The following DPYD variants were observed in gnomAD, a reference collection of about 807,000 sequenced individuals.
The protein encoded by DPYD is dihydropyrimidine dehydrogenase [NADP(+)].
DPYD carries 109 observed loss-of-function variants against 116.2 expected under a neutral mutation model. The ratio of observed to expected loss-of-function variants is 0.94; its 90% CI spans 0.80 to 1.10. The LOEUF is 1.10. Among genes scored for constraint, DPYD ranks in the 50% least tolerant of loss-of-function variants. The pLI, the probability that DPYD is intolerant of heterozygous loss-of-function variation, is 0.00. For missense variants in DPYD, 1,302 were observed against 1,254.5 expected (o/e 1.04, Z -0.57); for synonymous variants, 440 against 432.0 (o/e 1.02, Z -0.23).
intron 14 of DPYD, among the ~76,000 whole-genome samples, chr1:97,387,113 T>G (rs1410536637): frequency 2.6e-5 from 4 of 152,160 alleles, no homozygotes; most frequent in African/African-American, 9.6e-5. Flanking sequence ...CCATTTCTAG[T>G]GCTCAATTTT....
chr1:97,732,848 T>C (rs998451178), intron 4 of DPYD, among the ~76,000 whole-genome samples: 16 of 152,254 alleles, frequency 1.1e-4, no homozygotes, highest in African/African-American at 3.8e-4. Context: ...TATTTTATTA[T>C]AGTCTGAACA....
chr1:97,481,563 A>G (rs1362390373), intron 13 of DPYD, among the ~76,000 whole-genome samples: 1 of 152,226 alleles, frequency 6.6e-6, no homozygotes, highest in Non-Finnish European at 1.5e-5. Flanking sequence ...ATAATACTGT[A>G]TATAATCCAT....
At chr1:97,618,125 G>C (rs566188724) in intron 8 of DPYD, among the ~76,000 whole-genome samples, 2 of 152,198 alleles carry the variant, frequency 1.3e-5, no homozygotes, top group South Asian at 4.1e-4. Flanking sequence ...GCCCTGCCTT[G>C]CTTTTTGTCA....
chr1:97,400,905 T>C (rs899836360), intron 14 of DPYD, among the ~76,000 whole-genome samples: 2 of 151,986 alleles, frequency 1.3e-5, no homozygotes, highest in African/African-American at 4.8e-5. Context: ...TCTTCTAACG[T>C]GATCAAATCA....
chr1:97,360,790 G>A (rs557556526), intron 16 of DPYD, among the ~76,000 whole-genome samples: 11 of 152,278 alleles, frequency 7.2e-5, no homozygotes, highest in Non-Finnish European at 1.0e-4. Flanking sequence ...GAATCTCTGG[G>A]ACACATTTAA....
intron 13 of DPYD, among the ~76,000 whole-genome samples, chr1:97,474,130 C>A (rs941676155): frequency 4.0e-5 from 6 of 151,326 alleles, no homozygotes; most frequent in Non-Finnish European, 7.4e-5. Context: ...GGGTGTATAT[C>A]AAAAGAGAAT....
chr1:97,138,005 A>G (rs576709766), intron 20 of DPYD, among the ~76,000 whole-genome samples: 1 of 152,246 alleles, frequency 6.6e-6, no homozygotes, highest in Admixed American at 6.5e-5. Flanking sequence ...CCCTAATCCA[A>G]GACGTTAGCA....
chr1:97,098,667 AG>A, intron 20 of DPYD, 35 bp from the exon 21 acceptor site: 1 of 1,610,738 alleles, frequency 6.2e-7, no homozygotes, highest in South Asian at 1.1e-5. Context: ...GAAGCATGTT[AG>A]CTCAGAGAAG....
chr1:97,084,635 T>C (rs290852), intron 21 of DPYD, among the ~76,000 whole-genome samples: 121,433 of 152,062 alleles, frequency 0.8, 48,890 homozygotes, highest in East Asian at 0.99. Flanking sequence ...ATTTAATAGT[T>C]GATGATGTGA....
chr1:97,909,252 C>T (rs902521353), intron 1 of DPYD, among the ~76,000 whole-genome samples: 5 of 152,080 alleles, frequency 3.3e-5, no homozygotes, highest in Non-Finnish European at 7.4e-5. Context: ...TTTGTTCCGC[C>T]ACCCAATGTG....
At chr1:97,295,350 C>T (rs1666458277) in intron 18 of DPYD, 1 of 6,542 alleles carries the variant, frequency 1.5e-4, no homozygotes, top group East Asian at 4.2e-3. Flanking sequence ...GATCAATTTT[C>T]TAGCAATACA....
chr1:97,404,013 A>G (rs1209190736), intron 14 of DPYD, among the ~76,000 whole-genome samples: 1 of 151,992 alleles, frequency 6.6e-6, no homozygotes, highest in Non-Finnish European at 1.5e-5. Flanking sequence ...TTAGTTCAAA[A>G]TATTTTTAAT....
intron 3 of DPYD, among the ~76,000 whole-genome samples, chr1:97,813,476 GA>G (rs200250105): frequency 2.0e-5 from 3 of 151,198 alleles, no homozygotes; most frequent in African/African-American, 4.9e-5. Flanking sequence ...CCATCTAAAA[GA>G]AAAAAAAGAA....
intron 18 of DPYD, among the ~76,000 whole-genome samples, chr1:97,253,868 G>A (rs892527911): frequency 3.9e-5 from 6 of 151,946 alleles, no homozygotes; most frequent in African/African-American, 9.6e-5. Context: ...TATATTATTT[G>A]GGAAAAACAA....
intron 8 of DPYD, among the ~76,000 whole-genome samples, chr1:97,639,921 T>C (rs1657789511): frequency 6.6e-6 from 1 of 152,218 alleles, no homozygotes. Context: ...TGAGTGACAC[T>C]GATTAACAAT....
intron 19 of DPYD, among the ~76,000 whole-genome samples, chr1:97,229,218 AAG>A (rs1553237853): frequency 2.1e-5 from 3 of 141,952 alleles, no homozygotes; most frequent in Admixed American, 1.4e-4. Context: ...AAAAAAAAAA[AAG>A]AAAAAAAAAA....
intron 4 of DPYD, among the ~76,000 whole-genome samples, chr1:97,733,064 T>A (rs112067599): frequency 6.6e-6 from 1 of 151,982 alleles, no homozygotes; most frequent in African/African-American, 2.4e-5. Flanking sequence ...TGAAAATAGA[T>A]CTAAATAAAT....
chr1:97,383,169 T>C (rs1672076829), intron 14 of DPYD, among the ~76,000 whole-genome samples: 1 of 152,048 alleles, frequency 6.6e-6, no homozygotes, highest in Non-Finnish European at 1.5e-5. Context: ...TCGTGCCACT[T>C]ATTAAGAAAA....
At chr1:97,205,476 G>A (rs759754387) in intron 19 of DPYD, among the ~76,000 whole-genome samples, 12 of 151,918 alleles carry the variant, frequency 7.9e-5, no homozygotes, top group Non-Finnish European at 1.6e-4. Flanking sequence ...GTTGCTCCAG[G>A]TTGTTCTGTA....
Sources: gnomAD v4.1 joint callset for allele counts (sites outside exome capture counted in the v4.1 genomes callset) on GRCh38, gnomAD v4.1.1 for gene constraint, MANE v1.5 for transcripts, NCBI Gene and HGNC (gene_info 2026-07-23, HGNC 2026-07-21) for gene names.